The following GTF2A2 variants were observed in gnomAD, a reference collection of about 807,000 sequenced individuals.
GTF2A2 encodes the protein general transcription factor IIA subunit 2, also known as transcription initiation factor IIA subunit 2.
A neutral mutation model predicts 14.3 loss-of-function variants in GTF2A2; 9 were observed. The ratio of observed to expected loss-of-function variants is 0.63; its 90% confidence interval spans 0.38 to 1.10. GTF2A2 has a LOEUF of 1.10. GTF2A2 is among the 50% of genes least tolerant of loss of function. GTF2A2 has a pLI of 0.01. For missense variants in GTF2A2, 90 were observed against 124.6 expected (o/e 0.72, Z 1.32); for synonymous variants, 56 against 46.0 (o/e 1.22, Z -0.88).
intron 4 of GTF2A2, among the ~76,000 whole-genome samples, chr15:59,639,768 A>AAAGAC (rs1203590873): frequency 1.4e-5 from 2 of 142,730 alleles, no homozygotes. Flanking sequence ...ATTTTTTTTT[A>AAAGAC]AAGACAGAGT....
chr15:59,646,793 G>C (rs1247621261), intron 3 of GTF2A2, among the ~76,000 whole-genome samples: 3 of 152,064 alleles, frequency 2.0e-5, no homozygotes, highest in African/African-American at 4.8e-5. Flanking sequence ...TAACTTCTGA[G>C]CCAACAAATG....
At chr15:59,639,250 CAGGACTAAT>C (rs1434604213) in intron 4 of GTF2A2, 93 bp from the exon 5 acceptor site, 39 of 793,082 alleles carry the variant, frequency 4.9e-5, no homozygotes, top group Non-Finnish European at 7.2e-5. Context: ...AATGAGAACA[CAGGACTAAT>C]AGTGGTGGTG....
intron 1 of GTF2A2, among the ~76,000 whole-genome samples, chr15:59,655,595 A>G (rs1475952541): frequency 6.6e-6 from 1 of 152,216 alleles, no homozygotes. Flanking sequence ...TTAATATCAC[A>G]GGACACAGTC....
intron 3 of GTF2A2, among the ~76,000 whole-genome samples, chr15:59,648,835 G>T (rs1188505940): frequency 6.6e-6 from 1 of 152,102 alleles, no homozygotes; most frequent in Admixed American, 6.5e-5. Flanking sequence ...TCGGGGGGCT[G>T]AGGCAGGAGA....
rs1891763910 is a variant in GTF2A2, at chr15:59,650,685, T to A, written c.161A>T (p.Asn54Ile). 1 of 1,593,332 alleles carries A rather than the reference T, an allele frequency of 6.3e-7. No homozygotes were observed. The highest frequency in any genetic ancestry group is 8.6e-7 in the Non-Finnish European group (1 of 1,161,110). Residue 54 changes from asparagine to isoleucine, a missense_variant, in exon 3 of 5, where the codon AAC (asparagine) becomes ATC (isoleucine). By Grantham distance (149) the Asn-to-Ile change is moderately radical. Transcript: ENST00000396060. ...TATCCTTACCCTGAAATTGACTCTGTTCCTGACCCTCTGAGCCAGTGCTGC... is the reference window on the plus strand; with the variant it reads ...TATCCTTACCCTGAAATTGACTCTGATCCTGACCCTCTGAGCCAGTGCTGC... ...INAALAQRVR[N>I]RVNFRGSLNT...
At chr15:59,655,396 T>C (rs1891913201) in intron 1 of GTF2A2, among the ~76,000 whole-genome samples, 1 of 152,208 alleles carries the variant, frequency 6.6e-6, no homozygotes, top group African/African-American at 2.4e-5. Flanking sequence ...TTGGTGAAGG[T>C]CATCAATGGC....
intron 4 of GTF2A2, among the ~76,000 whole-genome samples, chr15:59,639,857 T>A (rs1355591664): frequency 2.0e-5 from 3 of 152,068 alleles, no homozygotes; most frequent in African/African-American, 7.2e-5. Flanking sequence ...TTTAAGCAAT[T>A]GTCCTGCCTC....
At chr15:59,649,822 C>T (rs1241591638) in intron 3 of GTF2A2, among the ~76,000 whole-genome samples, 1 of 152,018 alleles carries the variant, frequency 6.6e-6, no homozygotes, top group Non-Finnish European at 1.5e-5. Flanking sequence ...CTAGAGCATG[C>T]CTGGTATGTT....
chr15:59,639,693 C>T (rs959475264), intron 4 of GTF2A2, among the ~76,000 whole-genome samples: 1 of 151,958 alleles, frequency 6.6e-6, no homozygotes, highest in East Asian at 1.9e-4. Flanking sequence ...CTCCTGACCT[C>T]GTGATCTGCC....
intron 3 of GTF2A2, among the ~76,000 whole-genome samples, chr15:59,645,891 G>A (rs961891677): frequency 1.3e-4 from 19 of 151,980 alleles, no homozygotes; most frequent in African/African-American, 4.1e-4. Flanking sequence ...AAAATTAGAC[G>A]GGCATGATGG....
rs1374660550 is a variant in GTF2A2 at position 59,638,256 on chromosome 15, G to A, written c.*876C>T. ...TCAAGGACTACAGTGGCATGCTGAG[G>A]TAACAACTGCAGGAGCATCGAGGTA... On this transcript the variant is annotated 3_prime_UTR_variant, in exon 5 of 5. Transcript: ENST00000396060. 4.6e-5 allele frequency: 7 copies of A among 152,016 alleles called. No individual in the cohort carries two copies. The highest frequency in any genetic ancestry group is 1.0e-4 in the Non-Finnish European group (7 of 68,042). 9.4% of individuals were successfully genotyped at this position (152,016 alleles called of 1,614,324 possible). A position where few individuals can be genotyped will look rare whatever the true frequency, so the allele number is the denominator to read the frequency against.
intron 3 of GTF2A2, among the ~76,000 whole-genome samples, chr15:59,648,019 G>A (rs1198629463): frequency 1.3e-5 from 2 of 151,988 alleles, no homozygotes; most frequent in Non-Finnish European, 2.9e-5. Flanking sequence ...ATCTTTTAAC[G>A]CTTGTTAATT....
intron 1 of GTF2A2, chr15:59,656,747 T>C (rs1891956244): frequency 6.6e-6 from 1 of 152,110 alleles, no homozygotes; most frequent in African/African-American, 2.4e-5. Context: ...TTGACAAATT[T>C]TTGAGTTTAT....
At chr15:59,648,223 A>G (rs1287575108) in intron 3 of GTF2A2, among the ~76,000 whole-genome samples, 4 of 151,878 alleles carry the variant, frequency 2.6e-5, no homozygotes, top group Non-Finnish European at 5.9e-5. Context: ...CCTGGCCAAC[A>G]TAGTGAAATC....
At chr15:59,647,955 G>C (rs566799058) in intron 3 of GTF2A2, among the ~76,000 whole-genome samples, 2 of 152,206 alleles carry the variant, frequency 1.3e-5, no homozygotes, top group Non-Finnish European at 2.9e-5. Flanking sequence ...AGTTTTGTTA[G>C]AAGGGCTATT....
intron 3 of GTF2A2, among the ~76,000 whole-genome samples, chr15:59,647,048 C>G (rs1476994706): frequency 6.6e-6 from 1 of 151,140 alleles, no homozygotes; most frequent in Non-Finnish European, 1.5e-5. Flanking sequence ...ATAATATATA[C>G]ATGTCTTTCA....
intron 4 of GTF2A2, chr15:59,640,045 C>G (rs1360942371): frequency 6.6e-6 from 1 of 152,370 alleles, no homozygotes; most frequent in Non-Finnish European, 1.5e-5. Context: ...GCCACTGCAC[C>G]TGGCCTACTG....
At chr15:59,655,520 G>A (rs551909618) in intron 1 of GTF2A2, among the ~76,000 whole-genome samples, 1 of 152,176 alleles carries the variant, frequency 6.6e-6, no homozygotes, top group East Asian at 1.9e-4. Context: ...TTTTCGGATT[G>A]TCCTAACTCA....
At position 59,638,779 on chromosome 15, in the gene GTF2A2, G is replaced by A. The variant is rs144581521; in HGVS notation, c.*353C>T. 163 of 171,564 alleles carry A rather than the reference G, an allele frequency of 9.5e-4. No homozygotes were observed. In the Middle Eastern group the frequency reaches 0.011, roughly 11 times the overall value. The allele number at this position is 171,564 out of a possible 1,614,324, so 10.6% of individuals were successfully genotyped here. Reference sequence around the variant, plus strand: ...CTTTATTGAAATAAGCATTCTGAAAGGGCATCATGTTCCTTGCAAAGGAAA... The same window carrying A: ...CTTTATTGAAATAAGCATTCTGAAAAGGCATCATGTTCCTTGCAAAGGAAA... On this transcript the variant is annotated 3_prime_UTR_variant, in exon 5 of 5. Transcript: ENST00000396060.
Sources: gnomAD v4.1 joint callset for allele counts (sites outside exome capture counted in the v4.1 genomes callset) on GRCh38, gnomAD v4.1.1 for gene constraint, MANE v1.5 for transcripts, NCBI Gene and HGNC (gene_info 2026-07-23, HGNC 2026-07-21) for gene names.